The following SGCZ variants were observed in gnomAD, a reference collection of about 807,000 sequenced individuals.
SGCZ encodes sarcoglycan zeta, also known as zeta-sarcoglycan.
SGCZ carries 40 observed loss-of-function variants against 41.3 expected under a neutral mutation model. The ratio of observed to expected loss-of-function variants is 0.97; its 90% confidence interval spans 0.75 to 1.26. The LOEUF (loss-of-function observed/expected upper bound fraction) is 1.26. SGCZ is among the 50% of genes most tolerant of loss of function. The probability of loss-of-function intolerance (pLI) is 0.00; values close to 1 mark genes in which losing one functional copy is unlikely to be tolerated. For synonymous variants in SGCZ, 206 were observed against 137.5 expected, an observed-to-expected ratio of 1.50 and a Z score of -3.49; for missense variants, 552 against 369.8, an observed-to-expected ratio of 1.49 and a Z score of -4.04.
At chr8:14,165,737 T>TATTC (rs1374702003) in intron 4 of SGCZ, among the ~76,000 whole-genome samples, 1 of 152,168 alleles carries the variant, frequency 6.6e-6, no homozygotes, top group African/African-American at 2.4e-5. Context: ...TGTCTTTATG[T>TATTC]ATTCACTTTA....
chr8:14,704,324 C>G (rs1809260716), intron 1 of SGCZ, among the ~76,000 whole-genome samples: 1 of 151,858 alleles, frequency 6.6e-6, no homozygotes, highest in Admixed American at 6.6e-5. Context: ...CTGGAAAAAC[C>G]AAATCAATGT....
intron 1 of SGCZ, among the ~76,000 whole-genome samples, chr8:14,887,151 A>C (rs1474505197): frequency 7.2e-5 from 11 of 152,180 alleles, no homozygotes; most frequent in Non-Finnish European, 1.0e-4. Context: ...AGACAGACAA[A>C]TATACAAGTC....
At chr8:14,978,644 G>C (rs1030527405) in intron 1 of SGCZ, among the ~76,000 whole-genome samples, 4 of 151,950 alleles carry the variant, frequency 2.6e-5, no homozygotes, top group African/African-American at 4.8e-5. Context: ...CACTAGGCCT[G>C]AAACAAGTCT....
intron 1 of SGCZ, among the ~76,000 whole-genome samples, chr8:15,203,029 G>A (rs964534609): frequency 6.6e-6 from 1 of 152,038 alleles, no homozygotes; most frequent in African/African-American, 2.4e-5. Flanking sequence ...AGAATCACTA[G>A]AACCTGGGAG....
intron 1 of SGCZ, among the ~76,000 whole-genome samples, chr8:14,939,213 A>G (rs570128710): frequency 6.6e-6 from 1 of 152,194 alleles, no homozygotes; most frequent in African/African-American, 2.4e-5. Flanking sequence ...AGCATTCAGG[A>G]CTTGAGTTAG....
At chr8:14,980,863 CTTTT>C (rs1158101857) in intron 1 of SGCZ, among the ~76,000 whole-genome samples, 1 of 151,920 alleles carries the variant, frequency 6.6e-6, no homozygotes, top group Admixed American at 6.6e-5. Flanking sequence ...CTCTATCTAT[CTTTT>C]ATCTATCCAT....
intron 2 of SGCZ, among the ~76,000 whole-genome samples, chr8:14,400,174 T>A (rs535966182): frequency 6.6e-6 from 1 of 151,960 alleles, no homozygotes; most frequent in African/African-American, 2.4e-5. Flanking sequence ...TGTTCATCCA[T>A]CTAATAGCGT....
intron 2 of SGCZ, among the ~76,000 whole-genome samples, chr8:14,494,278 G>C (rs942183168): frequency 6.6e-6 from 1 of 152,156 alleles, no homozygotes; most frequent in Non-Finnish European, 1.5e-5. Context: ...CTTTGGGCTT[G>C]TGAAATTGCT....
At chr8:14,454,363 T>C (rs1476616478) in intron 2 of SGCZ, among the ~76,000 whole-genome samples, 1 of 152,160 alleles carries the variant, frequency 6.6e-6, no homozygotes. Flanking sequence ...CTGCTGAGGT[T>C]AAACACTTCT....
intron 1 of SGCZ, among the ~76,000 whole-genome samples, chr8:15,196,554 C>T (rs991243475): frequency 7.7e-6 from 1 of 129,278 alleles, no homozygotes; most frequent in Non-Finnish European, 1.8e-5. Flanking sequence ...TTAAGACTTG[C>T]CAAAGTTTTC....
intron 1 of SGCZ, among the ~76,000 whole-genome samples, chr8:14,555,786 G>C (rs919114540): frequency 2.6e-5 from 4 of 151,994 alleles, no homozygotes; most frequent in Non-Finnish European, 5.9e-5. Flanking sequence ...AAAAATATTA[G>C]TGTATTTGCA....
intron 2 of SGCZ, among the ~76,000 whole-genome samples, chr8:14,494,111 G>T (rs1304538292): frequency 1.3e-5 from 2 of 152,138 alleles, no homozygotes; most frequent in African/African-American, 4.8e-5. Context: ...AGAGTTTCTT[G>T]CTTCTTATCC....
rs1409643785 is a variant in SGCZ, at chr8:14,108,151, G to C, written c.620+12C>G. 6.2e-7 allele frequency: 1 copy of C among 1,613,584 alleles called. No individual in the cohort carries two copies. The highest frequency in any genetic ancestry group is 1.3e-5 in the African/African-American group (1 of 74,998). On this transcript the variant is annotated intron_variant, in intron 6 of 7. Transcript: ENST00000382080. ...TGGATTTTATGCCACAGGTATAAGAGGAAGCCCTTACCTGAGATCTTGGGA... is the reference window on the plus strand; with the variant it reads ...TGGATTTTATGCCACAGGTATAAGACGAAGCCCTTACCTGAGATCTTGGGA...
chr8:14,284,419 CTTATT>C, intron 3 of SGCZ, among the ~76,000 whole-genome samples: 1 of 152,254 alleles, frequency 6.6e-6, no homozygotes. Context: ...ATAGACTTGT[CTTATT>C]TTAGTATAGG....
At chr8:14,385,877 G>A (rs900801576) in intron 2 of SGCZ, among the ~76,000 whole-genome samples, 1 of 152,052 alleles carries the variant, frequency 6.6e-6, no homozygotes, top group Non-Finnish European at 1.5e-5. Context: ...ATTCACAGAT[G>A]TTCAATCCTT....
At chr8:14,793,878 G>C (rs1016378361) in intron 1 of SGCZ, among the ~76,000 whole-genome samples, 52 of 152,084 alleles carry the variant, frequency 3.4e-4, no homozygotes, top group African/African-American at 1.1e-3. Context: ...CAATACATGA[G>C]AAATGATGAA....
chr8:14,613,795 G>T (rs1806007733), intron 1 of SGCZ, among the ~76,000 whole-genome samples: 1 of 152,038 alleles, frequency 6.6e-6, no homozygotes, highest in Non-Finnish European at 1.5e-5. Context: ...TAATGAAGTT[G>T]GCCACTCTTT....
chr8:14,581,792 C>T (rs889895998), intron 1 of SGCZ, among the ~76,000 whole-genome samples: 3 of 151,860 alleles, frequency 2.0e-5, no homozygotes, highest in Non-Finnish European at 4.4e-5. Context: ...AATTAGTGAA[C>T]AAAAAGAAAA....
intron 4 of SGCZ, among the ~76,000 whole-genome samples, chr8:14,166,360 T>C (rs1804210652): frequency 6.6e-6 from 1 of 152,190 alleles, no homozygotes; most frequent in African/African-American, 2.4e-5. Flanking sequence ...TTGAGTGTGA[T>C]TTGTTCTAAT....
Sources: gnomAD v4.1 joint callset for allele counts (sites outside exome capture counted in the v4.1 genomes callset) on GRCh38, gnomAD v4.1.1 for gene constraint, MANE v1.5 for transcripts, NCBI Gene and HGNC (gene_info 2026-07-23, HGNC 2026-07-21) for gene names.